SV2B: variants seen among roughly 807,000 people sequenced by gnomAD.
SV2B encodes synaptic vesicle glycoprotein 2B.
SV2B carries 41 observed loss-of-function variants against 73.9 expected under a neutral mutation model. The ratio of observed to expected loss-of-function variants is 0.56; its 90% confidence interval spans 0.43 to 0.72. SV2B has a LOEUF of 0.72. Among genes scored for constraint, SV2B ranks in the 30% least tolerant of loss-of-function variants. The pLI, the probability that SV2B is intolerant of heterozygous loss-of-function variation, is 0.00. For missense variants in SV2B, 764 were observed against 857.8 expected, an observed-to-expected ratio of 0.89 and a Z score of 1.37; for synonymous variants, 314 against 314.2, an observed-to-expected ratio of 1.00 and a Z score of 0.01.
intron 1 of SV2B, among the ~76,000 whole-genome samples, chr15:91,150,995 C>T (rs1313671009): frequency 1.3e-5 from 2 of 152,162 alleles, no homozygotes; most frequent in South Asian, 2.1e-4. Context: ...ACGCGTGTAG[C>T]CTGGGAGGGG....
chr15:91,230,730 C>T (rs1215328134), intron 2 of SV2B, among the ~76,000 whole-genome samples: 1 of 152,202 alleles, frequency 6.6e-6, no homozygotes, highest in African/African-American at 2.4e-5. Context: ...TTACCACACG[C>T]CTGGTACTCC....
rs1432889521 is a variant in SV2B, at chr15:91,265,381, A to G, written c.1009-1201A>G. Among the ~76,000 whole-genome samples the G allele has an allele frequency of 2.6e-5, 4 of 152,210 alleles. No homozygotes were observed. Among genetic ancestry groups the G allele is most frequent in the African/African-American group, 9.7e-5 (4 of 41,446 alleles). The stretch of plus-strand genomic sequence containing the variant: ...TCTAATTTAGACTGAATCATAGACA[A>G]TTGTTCTAATGAATCGTAAATTAGA... On this transcript the variant is annotated intron_variant, in intron 6 of 12. Coordinates refer to ENST00000394232, the MANE Select transcript of SV2B (RefSeq NM_001323032.3). The surrounding 1 kb of genome is among the most constrained non-coding windows in gnomAD (Gnocchi z 4.2).
At chr15:91,151,990 T>C (rs1175163117) in intron 1 of SV2B, among the ~76,000 whole-genome samples, 1 of 152,134 alleles carries the variant, frequency 6.6e-6, no homozygotes, top group African/African-American at 2.4e-5. Context: ...ACTTTGCAAG[T>C]AGCTTTATCT....
intron 1 of SV2B, among the ~76,000 whole-genome samples, chr15:91,185,098 G>T (rs1046583174): frequency 1.3e-5 from 2 of 152,156 alleles, no homozygotes; most frequent in East Asian, 3.9e-4. Flanking sequence ...TTCAGACAAA[G>T]TCTTGTTTTG....
intron 1 of SV2B, among the ~76,000 whole-genome samples, chr15:91,195,091 C>T (rs1034523372): frequency 6.6e-6 from 1 of 152,192 alleles, no homozygotes; most frequent in Non-Finnish European, 1.5e-5. Flanking sequence ...CTTGTTACCA[C>T]AGCATAACCT....
In SV2B at chr15:91,141,540, A is replaced by G. The variant is rs7163341; in HGVS notation, c.-392+41177A>G. On this transcript the variant is annotated intron_variant, in intron 1 of 12. Coordinates refer to ENST00000394232, the MANE Select transcript of SV2B (RefSeq NM_001323032.3). The surrounding 1 kb of genome is among the most constrained non-coding windows in gnomAD (Gnocchi z 4.6). ...GACTTTCAGCGAGTTACCAAATTCCAGCGAGCTTTGCTTTGAATGTCTAAA... is the reference window on the plus strand; with the variant it reads ...GACTTTCAGCGAGTTACCAAATTCCGGCGAGCTTTGCTTTGAATGTCTAAA... Among the ~76,000 whole-genome samples the G allele has an allele frequency of 5.9e-5, 9 of 152,014 alleles. No homozygotes were observed. The highest frequency in any genetic ancestry group is 1.3e-4 in the Non-Finnish European group (9 of 67,988).
intron 1 of SV2B, among the ~76,000 whole-genome samples, chr15:91,153,457 AT>A (rs1345139047): frequency 1.3e-5 from 2 of 152,140 alleles, no homozygotes; most frequent in African/African-American, 2.4e-5. Flanking sequence ...TGGGGCAGGC[AT>A]TTAGCTTCCC....
At position 91,283,994 on chromosome 15, in the gene SV2B, GA is replaced by G. The variant is rs2048769724; in HGVS notation, c.1508-25del. The G allele has an allele frequency of 6.2e-7, 1 of 1,612,306 alleles. No homozygotes were observed. Among genetic ancestry groups the G allele is most frequent in the Non-Finnish European group, 8.5e-7 (1 of 1,178,942 alleles). ...CTCTCCAGCTCCCTTCCACTTACATGAACCGAAGGTTTCCTTCTCTCCCCAG... is the reference window on the plus strand; with the variant it reads ...CTCTCCAGCTCCCTTCCACTTACATGACCGAAGGTTTCCTTCTCTCCCCAG... On this transcript the variant is annotated intron_variant, in intron 10 of 12. Coordinates refer to ENST00000394232, the MANE Select transcript of SV2B (RefSeq NM_001323032.3). The surrounding 1 kb of genome is among the most constrained non-coding windows in gnomAD (Gnocchi z 4.3).
At chr15:91,259,859 T>A (rs1013592470) in intron 5 of SV2B, among the ~76,000 whole-genome samples, 3 of 152,148 alleles carry the variant, frequency 2.0e-5, no homozygotes, top group African/African-American at 7.2e-5. Flanking sequence ...TAATCTTAAT[T>A]TAGCTAATTG....
In SV2B at chr15:91,242,273, T is replaced by C. The variant is rs2047049841; in HGVS notation, c.452-9546T>C. ...TTGGAATGTCTCAGTGCTCAGTCCT[T>C]GAATCTCTTGTGTATTGCCAGTCAC... On this transcript the variant is annotated intron_variant, in intron 2 of 12. Coordinates refer to ENST00000394232, the MANE Select transcript of SV2B (RefSeq NM_001323032.3). The surrounding 1 kb of genome is among the most constrained non-coding windows in gnomAD (Gnocchi z 4.9). Among the ~76,000 whole-genome samples the C allele has an allele frequency of 6.6e-6, 1 of 152,238 alleles. No individual in the cohort carries two copies. Among genetic ancestry groups the C allele is most frequent in the Admixed American group, 6.5e-5 (1 of 15,278 alleles).
chr15:91,267,220 CCCCCTT>C lies in SV2B; in HGVS notation c.1120-334_1120-329del. On this transcript the variant is annotated intron_variant, in intron 7 of 12. Coordinates refer to ENST00000394232, the MANE Select transcript of SV2B (RefSeq NM_001323032.3). This position sits in a 1 kb window ranked among gnomAD's most constrained non-coding sequence, Gnocchi z 4.3. ...TATGGTCAGTAAATGTTTGCAATAT[CCCCCTT>C]GCCCACAGGCAGGGAGTAGAACTCA... is the stretch of plus-strand genomic sequence containing the variant. Among the ~76,000 whole-genome samples, 1 of 152,134 alleles carries C rather than the reference CCCCCTT, an allele frequency of 6.6e-6. No homozygotes were observed. The highest frequency in any genetic ancestry group is 1.5e-5 in the Non-Finnish European group (1 of 68,030).
At chr15:91,274,168 GC>G (rs2048408159) in intron 9 of SV2B, among the ~76,000 whole-genome samples, 1 of 152,144 alleles carries the variant, frequency 6.6e-6, no homozygotes, top group South Asian at 2.1e-4. Flanking sequence ...AAATAAAGCT[GC>G]AAAAAGTGTT....
chr15:91,256,118 T>G (rs1164458144), intron 4 of SV2B, among the ~76,000 whole-genome samples: 1 of 152,220 alleles, frequency 6.6e-6, no homozygotes, highest in Non-Finnish European at 1.5e-5. Flanking sequence ...GGATATATTA[T>G]GGAAGATTAA....
chr15:91,222,329 CTT>C (rs2046247142), intron 1 of SV2B, among the ~76,000 whole-genome samples: 1 of 152,184 alleles, frequency 6.6e-6, no homozygotes, highest in Admixed American at 6.5e-5. Flanking sequence ...ACATGGTAAA[CTT>C]AGCACAGACG....
In SV2B at chr15:91,156,862, A is replaced by G. The variant is rs541517391; in HGVS notation, c.-392+56499A>G. Among the ~76,000 whole-genome samples, 11 of 152,336 alleles carry G rather than the reference A, an allele frequency of 7.2e-5. No individual in the cohort carries two copies. In the South Asian group the frequency reaches 2.3e-3, roughly 32 times the overall value. On this transcript the variant is annotated intron_variant, in intron 1 of 12. Coordinates refer to ENST00000394232, the MANE Select transcript of SV2B (RefSeq NM_001323032.3). ...TCTCTGGCTTATAAACCACATGGAG[A>G]ACAATCTACCTCCTTTTTGTGGGCT...
chr15:91,221,695 A>ACGTGCG (rs937088399), intron 1 of SV2B, among the ~76,000 whole-genome samples: 2 of 132,330 alleles, frequency 1.5e-5, no homozygotes, highest in South Asian at 4.7e-4. Flanking sequence ...GCATGTGCGC[A>ACGTGCG]CACACACACA....
rs746828560 is a variant in SV2B, at chr15:91,226,696, T to A, written c.433T>A (p.Ser145Thr). 1 of 1,605,642 alleles carries A rather than the reference T, an allele frequency of 6.2e-7. No homozygotes were observed. The highest frequency in any genetic ancestry group is 1.1e-5 in the South Asian group (1 of 89,706). The change falls in exon 2 of 13, where the codon TCC becomes ACC. Residue 145 changes from serine (S) to threonine (T), a missense_variant. By Grantham distance (58) the Ser-to-Thr change is moderately conservative. Coordinates refer to ENST00000394232, the MANE Select transcript of SV2B (RefSeq NM_001323032.3). ...AGAGAAGGACATGTGTCTGTCCAGT[T>A]CCAAAAAAGGAATGCTAGGTAAGTG... The part of the protein sequence containing the change: ...SAEKDMCLSS[S>T]KKGMLGMIVY...
chr15:91,177,187 A>C (rs915713703), intron 1 of SV2B, among the ~76,000 whole-genome samples: 15 of 152,154 alleles, frequency 9.9e-5, no homozygotes, highest in African/African-American at 3.4e-4. Context: ...GGTTTGTCAA[A>C]GATCAGATAG....
rs1171524514 is a variant in SV2B, at chr15:91,297,663, T to G, written c.*5111T>G. 6.6e-6 allele frequency: 1 copy of G among 152,340 alleles called. No homozygotes were observed. Among genetic ancestry groups the G allele is most frequent in the South Asian group, 2.1e-4 (1 of 4,824 alleles). The allele number at this position is 152,340 out of a possible 1,614,324, so 9.4% of individuals were successfully genotyped here. A position where few individuals can be genotyped will look rare whatever the true frequency, so the allele number is the denominator to read the frequency against. ...CTTTGACTTGTCAGGGAAGTTCTATTGCTCTGATAACTTAAAACCAACCCA... is the reference window on the plus strand; with the variant it reads ...CTTTGACTTGTCAGGGAAGTTCTATGGCTCTGATAACTTAAAACCAACCCA... On this transcript the variant is annotated 3_prime_UTR_variant, in exon 13 of 13. Coordinates refer to ENST00000394232, the MANE Select transcript of SV2B (RefSeq NM_001323032.3). This position sits in a 1 kb window ranked among gnomAD's most constrained non-coding sequence, Gnocchi z 5.1.
Sources: gnomAD v4.1 joint callset for allele counts (sites outside exome capture counted in the v4.1 genomes callset) on GRCh38, gnomAD v4.1.1 for gene constraint, Gnocchi (gnomAD v3.1) non-coding constraint, MANE v1.5 for transcripts, NCBI Gene and HGNC (gene_info 2026-07-23, HGNC 2026-07-21) for gene names.